BLK: variants seen among roughly 807,000 people sequenced by gnomAD.
BLK encodes the protein BLK proto-oncogene, Src family tyrosine kinase, also known as tyrosine-protein kinase Blk.
In BLK, 64 loss-of-function variants were observed where a neutral mutation model predicts 61.8. The observed-to-expected ratio is 1.03, with a 90% CI of 0.85 to 1.27. BLK has a LOEUF of 1.27. BLK is among the 50% of genes most tolerant of loss of function. BLK has a pLI of 0.00. For synonymous variants in BLK, 351 were observed against 272.0 expected (o/e 1.29, Z -2.86); for missense variants, 853 against 660.5 (o/e 1.29, Z -3.19).
rs150799217 is a variant in BLK at position 11,563,007 on chromosome 8, C to A, written c.1209C>A (p.Ala403=). 4 of 1,614,138 alleles carry A rather than the reference C, an allele frequency of 2.5e-6. No individual in the cohort carries two copies. Among genetic ancestry groups the A allele is most frequent in the Non-Finnish European group, 3.4e-6 (4 of 1,180,028 alleles). Residue 403 remains alanine (A), a synonymous_variant, in exon 12 of 13, where the codon GCC becomes GCA. Coordinates refer to ENST00000259089, the MANE Select transcript of BLK (RefSeq NM_001715.3). The part of the protein sequence containing the change: ...EGAKFPIKWT[A]PEAIHFGVFT... The stretch of plus-strand genomic sequence containing the variant: ...CCAAGTTCCCCATCAAGTGGACAGC[C>A]CCGGAAGCCATCCACTTCGGGGTCT...
intron 6 of BLK, chr8:11,552,581 G>T (rs1439139691): frequency 6.6e-6 from 1 of 152,144 alleles, no homozygotes; most frequent in African/African-American, 2.4e-5. Flanking sequence ...GTACCCAACA[G>T]CCAGCTTCAA....
At chr8:11,548,267 C>G in intron 4 of BLK, 142 bp downstream of exon 4, 1 of 701,112 alleles carries the variant, frequency 1.4e-6, no homozygotes, top group Non-Finnish European at 2.4e-6. Flanking sequence ...CCAGCATTTT[C>G]TTGAACTTGG....
At chr8:11,561,080 G>C (rs1353130850) in intron 10 of BLK, 1 of 701,626 alleles carries the variant, frequency 1.4e-6, no homozygotes, top group Non-Finnish European at 2.6e-6. Context: ...GAGGGGCACA[G>C]GTAGCCCCTG....
Position 11,549,124 on chromosome 8 carries a change from T to C in BLK, c.368+2T>C. ...AGTGGAGAGCCTGGAAATGGAAAGGTAGGTGGGCACGGGAACCCCCCTCGA... is the reference window on the plus strand; with the variant it reads ...AGTGGAGAGCCTGGAAATGGAAAGGCAGGTGGGCACGGGAACCCCCCTCGA... On this transcript the variant is annotated splice_donor_variant, in intron 5 of 12. Coordinates refer to ENST00000259089, the MANE Select transcript of BLK (RefSeq NM_001715.3). LOFTEE classifies it high-confidence loss of function. The C allele has an allele frequency of 6.2e-7, 1 of 1,600,182 alleles. No individual in the cohort carries two copies. Among genetic ancestry groups the C allele is most frequent in the Non-Finnish European group, 8.5e-7 (1 of 1,173,128 alleles).
intron 2 of BLK, among the ~76,000 whole-genome samples, chr8:11,545,132 G>C (rs564375810): frequency 2.0e-5 from 3 of 152,206 alleles, no homozygotes; most frequent in Admixed American, 6.5e-5. Context: ...TTGTGGCTCC[G>C]TGTTACGCAT....
At chr8:11,498,687 C>T (rs1366922443) in intron 1 of BLK, among the ~76,000 whole-genome samples, 5 of 152,138 alleles carry the variant, frequency 3.3e-5, no homozygotes. Flanking sequence ...TGTGTGCCTT[C>T]CTGAGATGAT....
At chr8:11,559,536 C>CACACACAAACAT (rs1334872148) in intron 10 of BLK, among the ~76,000 whole-genome samples, 16 of 152,192 alleles carry the variant, frequency 1.1e-4, no homozygotes, top group African/African-American at 3.9e-4. Flanking sequence ...CACACAAACA[C>CACACACAAACAT]GCAAACTTAC....
rs760237819 is a variant in BLK at position 11,556,733 on chromosome 8, G to A, written c.848G>A (p.Gly283Asp). The A allele has an allele frequency of 6.2e-7, 1 of 1,614,204 alleles. No homozygotes were observed. Among genetic ancestry groups the A allele is most frequent in the Non-Finnish European group, 8.5e-7 (1 of 1,180,040 alleles). ...EGTMSPEAFL[G>D]EANVMKALQH... The stretch of plus-strand genomic sequence containing the variant: ...ACCATGTCTCCAGAAGCCTTTCTGG[G>A]TGAGGCCAACGTGATGAAGGCTCTG... The change falls in exon 9 of 13, where the codon GGT (glycine) becomes GAT (aspartate). Residue 283 changes from glycine (G) to aspartate (D), a missense_variant. Physicochemically the swap from Gly to Asp is moderately conservative, Grantham distance 94. Transcript: ENST00000259089.
intron 1 of BLK, among the ~76,000 whole-genome samples, chr8:11,504,774 T>C (rs1798705348): frequency 6.6e-6 from 1 of 152,178 alleles, no homozygotes; most frequent in Non-Finnish European, 1.5e-5. Flanking sequence ...TGCTGGCATA[T>C]TTAGTGTTGG....
chr8:11,546,983 G>T (rs775811451), intron 3 of BLK, among the ~76,000 whole-genome samples: 3 of 152,220 alleles, frequency 2.0e-5, no homozygotes, highest in Admixed American at 6.5e-5. Flanking sequence ...CAAGAGGGTG[G>T]CCTCCTTCAA....
At chr8:11,557,153 G>A (rs1482910835) in intron 9 of BLK, among the ~76,000 whole-genome samples, 1 of 152,150 alleles carries the variant, frequency 6.6e-6, no homozygotes, top group Non-Finnish European at 1.5e-5. Flanking sequence ...AAAGTCAGAC[G>A]AACACCAGGC....
chr8:11,507,265 G>A (rs1276837802), intron 1 of BLK, among the ~76,000 whole-genome samples: 3 of 152,180 alleles, frequency 2.0e-5, no homozygotes, highest in African/African-American at 4.8e-5. Context: ...AGTTAGAATT[G>A]GAAGGACGAT....
At chr8:11,527,609 T>A (rs2736364) in intron 1 of BLK, among the ~76,000 whole-genome samples, 1 of 151,442 alleles carries the variant, frequency 6.6e-6, no homozygotes, top group Admixed American at 6.6e-5. Context: ...GTGGGCAGGG[T>A]AATAGATAAT....
chr8:11,528,662 T>A (rs1344011118), intron 1 of BLK, among the ~76,000 whole-genome samples: 1 of 152,232 alleles, frequency 6.6e-6, no homozygotes, highest in African/African-American at 2.4e-5. Context: ...TGCAGTTGCC[T>A]GTATGTATTC....
rs1297893949 is a variant in BLK, at chr8:11,558,420, T to C, written c.1029+382T>C. 6 of 361,538 alleles carry C rather than the reference T, an allele frequency of 1.7e-5. No individual in the cohort carries two copies. In the East Asian group the frequency reaches 3.6e-4, roughly 22 times the overall value. The allele number at this position is 361,538 out of a possible 1,614,324, so 22.4% of individuals were successfully genotyped here. ...TTCTGTTGTGACCTCATCTCTTCCTTAGATGGTGCCCACAAACATCTCCTG... is the reference window on the plus strand; with the variant it reads ...TTCTGTTGTGACCTCATCTCTTCCTCAGATGGTGCCCACAAACATCTCCTG... On this transcript the variant is annotated intron_variant, in intron 10 of 12. Transcript: ENST00000259089.
intron 1 of BLK, chr8:11,509,028 C>T (rs916001078): frequency 6.6e-6 from 1 of 152,244 alleles, no homozygotes; most frequent in African/African-American, 2.4e-5. Context: ...AGGCCATGAG[C>T]TGCATGCAGC....
At chr8:11,555,001 T>C (rs74600201) in intron 7 of BLK, 112 bp downstream of exon 7, 1 of 1,481,364 alleles carries the variant, frequency 6.8e-7, no homozygotes, top group Admixed American at 2.0e-5. Flanking sequence ...ATGGAAAGAT[T>C]ATCCCAAAGT....
intron 2 of BLK, among the ~76,000 whole-genome samples, chr8:11,543,899 C>T (rs563883065): frequency 6.6e-6 from 1 of 152,086 alleles, no homozygotes; most frequent in East Asian, 1.9e-4. Context: ...TTTTCCTAGT[C>T]ATGCAGTTTG....
chr8:11,498,596 C>T (rs1036450635), intron 1 of BLK, among the ~76,000 whole-genome samples: 2 of 152,170 alleles, frequency 1.3e-5, no homozygotes, highest in Non-Finnish European at 2.9e-5. Context: ...TCTCGTCCTG[C>T]AGTGTAGTGG....
Sources: allele counts gnomAD v4.1 joint callset (sites outside exome capture counted in the v4.1 genomes callset), GRCh38; gene constraint gnomAD v4.1.1; transcripts MANE v1.5; gene names NCBI Gene and HGNC (gene_info 2026-07-23, HGNC 2026-07-21).